MAP3K12: variants seen among roughly 807,000 people sequenced by gnomAD.
MAP3K12 encodes MAPK-upstream kinase.
MAP3K12 carries 14 observed loss-of-function variants against 87.5 expected under a neutral mutation model. That is an observed-to-expected ratio of 0.16 (90% CI 0.11 to 0.25). The LOEUF (loss-of-function observed/expected upper bound fraction) is 0.25, where lower values mean the gene tolerates loss of function less well. Ranked by LOEUF, MAP3K12 falls within the 10% of genes least tolerant of loss-of-function variation. The pLI is 1.00. For missense variants in MAP3K12, 802 were observed against 1,140.4 expected (o/e 0.70, Z 4.27); for synonymous variants, 469 against 452.5 (o/e 1.04, Z -0.46).
chr12:53,485,105 C>G lies in MAP3K12; in HGVS notation c.1090G>C (p.Val364Leu). 1 of 1,614,164 alleles carries G rather than the reference C, an allele frequency of 6.2e-7. No individual in the cohort carries two copies. The highest frequency in any genetic ancestry group is 1.1e-5 in the South Asian group (1 of 91,078). ...AAACCATCTGGGCAACTGGAGGGCA[C>G]GGGCAGATGGAGACTGTTGCTTCCC... ...GVGSNSLHLP[V>L]PSSCPDGFKI... is the part of the protein sequence containing the mutation. The change falls in exon 6 of 14, where the codon GTG becomes CTG. Residue 364 changes from valine to leucine, a missense_variant. By Grantham distance (32) the Val-to-Leu change is conservative. Transcript: ENST00000547488.
chr12:53,492,969 G>A (rs1415260608), intron 1 of MAP3K12: 1 of 152,290 alleles, frequency 6.6e-6, no homozygotes, highest in Admixed American at 6.5e-5. Context: ...CGCTGAAAGT[G>A]GGGAGGAAGG....
upstream of MAP3K12, chr12:53,501,365 T>G (rs1316028056): frequency 6.4e-7 from 1 of 1,550,804 alleles, no homozygotes; most frequent in Non-Finnish European, 8.7e-7. Flanking sequence ...TTGGGGCGCG[T>G]GGAGGCTGCA....
Position 53,481,993 on chromosome 12 carries a change from C to T in MAP3K12, c.2528G>A (p.Gly843Asp). ...AATGGGCAGGGAGCTGGGTTCAGGGCCAGGGATGACCTCTGAAGGAGGTGG... is the reference window on the plus strand; with the variant it reads ...AATGGGCAGGGAGCTGGGTTCAGGGTCAGGGATGACCTCTGAAGGAGGTGG... Reference protein sequence around the residue: ...LDPPPSEVIPGPEPSSLPIPH... With the variant: ...LDPPPSEVIPDPEPSSLPIPH... The change falls in exon 13 of 14, where the codon GGC (glycine) becomes GAC (aspartate). Residue 843 changes from glycine to aspartate, a missense_variant. Physicochemically the swap from Gly to Asp is moderately conservative, Grantham distance 94. Coordinates refer to ENST00000547488, the MANE Select transcript of MAP3K12 (RefSeq NM_001193511.2). 6.2e-7 allele frequency: 1 copy of T among 1,614,160 alleles called. No individual in the cohort carries two copies. The highest frequency in any genetic ancestry group is 8.5e-7 in the Non-Finnish European group (1 of 1,180,030).
chr12:53,495,563 A>C (rs1057404150), intron 1 of MAP3K12, among the ~76,000 whole-genome samples: 1 of 150,470 alleles, frequency 6.6e-6, no homozygotes, highest in African/African-American at 2.4e-5. Flanking sequence ...AAAAAAAAAA[A>C]AAAAATTGTA....
intron 1 of MAP3K12, among the ~76,000 whole-genome samples, chr12:53,498,250 T>C (rs945547279): frequency 1.3e-5 from 2 of 152,204 alleles, no homozygotes; most frequent in Non-Finnish European, 2.9e-5. Context: ...ACTTGAGTCC[T>C]ATCCTTCCTA....
At chr12:53,490,410 C>T (rs1159149291) in intron 1 of MAP3K12, among the ~76,000 whole-genome samples, 1 of 152,064 alleles carries the variant, frequency 6.6e-6, no homozygotes, top group Non-Finnish European at 1.5e-5. Flanking sequence ...AAGTTCAAGA[C>T]CAGTCTGGGC....
chr12:53,497,870 G>A (rs546741969), intron 1 of MAP3K12, among the ~76,000 whole-genome samples: 2 of 152,282 alleles, frequency 1.3e-5, no homozygotes, highest in African/African-American at 4.8e-5. Context: ...GAGAGTCCGG[G>A]CTGTGAGTGG....
At chr12:53,483,264 T>A in intron 10 of MAP3K12, 75 bp from the exon 11 acceptor site, 1 of 1,570,726 alleles carries the variant, frequency 6.4e-7, no homozygotes, top group African/African-American at 1.4e-5. Flanking sequence ...CCTTGGACAC[T>A]AAAGTACACA....
intron 13 of MAP3K12, chr12:53,481,589 C>G: frequency 3.1e-6 from 1 of 317,828 alleles, no homozygotes; most frequent in Admixed American, 4.5e-5. Context: ...ACCTTGTGAT[C>G]CACCCGCCTC....
Position 53,481,108 on chromosome 12 carries a change from CATATAT to C in MAP3K12, c.*68_*73del, listed in dbSNP as rs146607300. The C allele has an allele frequency of 6.9e-6, 4 of 580,908 alleles. No individual in the cohort carries two copies. Among genetic ancestry groups the C allele is most frequent in the African/African-American group, 4.1e-5 (2 of 48,548 alleles). The allele number at this position is 580,908 out of a possible 1,614,324, so 36.0% of individuals were successfully genotyped here. The stretch of plus-strand genomic sequence containing the variant: ...CCATCTTTCTGTTGATTATGTGGCG[CATATAT>C]ATATATATATGTATATATATATAAT... On this transcript the variant is annotated 3_prime_UTR_variant, in exon 14 of 14. Transcript: ENST00000547488.
chr12:53,499,494 G>GCCT (rs1387634174), upstream of MAP3K12: 2 of 147,822 alleles, frequency 1.4e-5, no homozygotes, highest in Non-Finnish European at 3.0e-5. Context: ...TGCTGCTCCC[G>GCCT]CCTCCTCCTC....
At chr12:53,482,249 C>T (rs1199892050) in intron 12 of MAP3K12, 38 bp from the exon 13 acceptor site, 5 of 1,613,960 alleles carry the variant, frequency 3.1e-6, no homozygotes, top group African/African-American at 2.7e-5. Flanking sequence ...TTGGTTCTGC[C>T]CCTAGCAGAA....
Position 53,486,163 on chromosome 12 carries a change from G to C in MAP3K12, c.714C>G (p.Gly238=). 6.2e-7 allele frequency: 1 copy of C among 1,614,134 alleles called. No homozygotes were observed. The highest frequency in any genetic ancestry group is 1.7e-5 in the Admixed American group (1 of 60,022). ...CCAGTAAGGAGGGGGTGACAGGGCG[G>C]CCAGCCCGCAGTACCTCATACAGCT... ...QGQLYEVLRA[G]RPVTPSLLVD... The change falls in exon 4 of 14, where the codon GGC becomes GGG. Residue 238 remains glycine (G), a synonymous_variant. Coordinates refer to ENST00000547488, the MANE Select transcript of MAP3K12 (RefSeq NM_001193511.2). The surrounding 1 kb of genome is among the most constrained non-coding windows in gnomAD (Gnocchi z 4.9).
In MAP3K12 at chr12:53,481,296, G is replaced by C. The variant is rs1943030284; in HGVS notation, c.2581-16C>G. The C allele has an allele frequency of 6.8e-7, 1 of 1,461,076 alleles. No homozygotes were observed. The highest frequency in any genetic ancestry group is 1.5e-5 in the African/African-American group (1 of 68,492). 90.5% of individuals were successfully genotyped at this position (1,461,076 alleles called of 1,614,324 possible). Reference sequence around the variant, plus strand: ...TGGGAGGGCCCTGTGAGAAAGAGTAGAAATGGAGTGAGATTCCTTGGGGTT... The same window carrying C: ...TGGGAGGGCCCTGTGAGAAAGAGTACAAATGGAGTGAGATTCCTTGGGGTT... On this transcript the variant is annotated splice_polypyrimidine_tract_variant and intron_variant, in intron 13 of 13. Transcript: ENST00000547488.
In MAP3K12 at chr12:53,481,177, G is replaced by A; in HGVS notation, c.*5C>T. ...TTCTCTATGTACAAGGAATACGAGTGGCTTTCATGGAGGGAGGGAAGCTGG... is the reference window on the plus strand; with the variant it reads ...TTCTCTATGTACAAGGAATACGAGTAGCTTTCATGGAGGGAGGGAAGCTGG... On this transcript the variant is annotated 3_prime_UTR_variant, in exon 14 of 14. Coordinates refer to ENST00000547488, the MANE Select transcript of MAP3K12 (RefSeq NM_001193511.2). 1 of 1,482,244 alleles carries A rather than the reference G, an allele frequency of 6.7e-7. No individual in the cohort carries two copies. The allele number at this position is 1,482,244 out of a possible 1,614,324, so 91.8% of individuals were successfully genotyped here. A position where few individuals can be genotyped will look rare whatever the true frequency, so the allele number is the denominator to read the frequency against.
rs748509425 is a variant in MAP3K12 at position 53,487,244 on chromosome 12, G to T, written c.148C>A (p.Arg50=). 2 of 1,613,616 alleles carry T rather than the reference G, an allele frequency of 1.2e-6. No individual in the cohort carries two copies. Among genetic ancestry groups the T allele is most frequent in the Non-Finnish European group, 1.7e-6 (2 of 1,179,856 alleles). The change falls in exon 2 of 14, where the codon CGA becomes AGA. Residue 50 remains arginine (R), a synonymous_variant. Coordinates refer to ENST00000547488, the MANE Select transcript of MAP3K12 (RefSeq NM_001193511.2). The part of the protein sequence containing the change: ...KDLTPTQCVL[R]DVVPLGGQGG... ...TGCCCACCAAGGGGTACCACATCTC[G>T]AAGTACACACTGGGTAGGCGTCAGG...
At chr12:53,481,442 C>A in intron 13 of MAP3K12, 162 bp from the exon 14 acceptor site, 1 of 338,006 alleles carries the variant, frequency 3.0e-6, no homozygotes, top group Non-Finnish European at 5.4e-6. Flanking sequence ...CTCTGCCTCC[C>A]AGGTTCAAGC....
chr12:53,485,033 A>G, intron 6 of MAP3K12, 23 bp downstream of exon 6: 1 of 1,613,994 alleles, frequency 6.2e-7, no homozygotes, highest in South Asian at 1.1e-5. Context: ...CAGGCCCAGT[A>G]TCCCAGCCCA....
In MAP3K12 at chr12:53,484,025, G is replaced by C. The variant is rs1169161920; in HGVS notation, c.1249-5C>G. On this transcript the variant is annotated splice_region_variant and splice_polypyrimidine_tract_variant and intron_variant, in intron 7 of 13. Transcript: ENST00000547488. ...TACTTCTTCCCGCCACTCTGCCTAT[G>C]GGTTGAGAGCAGATGAAGAGTGAGA... 1.2e-6 allele frequency: 2 copies of C among 1,613,202 alleles called. No homozygotes were observed. Among genetic ancestry groups the C allele is most frequent in the Admixed American group, 1.7e-5 (1 of 60,006 alleles).
Sources: gnomAD v4.1 joint callset for allele counts (sites outside exome capture counted in the v4.1 genomes callset) on GRCh38, gnomAD v4.1.1 for gene constraint, Gnocchi (gnomAD v3.1) non-coding constraint, MANE v1.5 for transcripts, NCBI Gene and HGNC (gene_info 2026-07-23, HGNC 2026-07-21) for gene names.